KLF8: variants seen among roughly 807,000 people sequenced by gnomAD.
KLF8 encodes KLF transcription factor 8.
KLF8 carries 10 observed loss-of-function variants against 18.2 expected under a neutral mutation model. That is an observed-to-expected ratio of 0.55 (90% CI 0.34 to 0.93). The LOEUF is 0.93. KLF8 is among the 40% of genes least tolerant of loss of function. KLF8 has a pLI of 0.02. For synonymous variants in KLF8, 109 were observed against 97.3 expected (o/e 1.12, Z -0.71); for missense variants, 264 against 277.9 (o/e 0.95, Z 0.36).
chrX:55,970,120 A>G, the KLF8 span, among the ~76,000 whole-genome samples: 1 of 111,458 alleles, frequency 9.0e-6, no homozygotes. Context: ...ACAAAAACAC[A>G]TTAAAAAAAC....
chrX:56,159,466 T>C, the KLF8 span, among the ~76,000 whole-genome samples: 3 of 112,643 alleles, frequency 2.7e-5, no homozygotes, highest in East Asian at 2.8e-4. Flanking sequence ...GGAATGGTAC[T>C]AGCTCCTCCT....
the KLF8 span, among the ~76,000 whole-genome samples, chrX:56,008,976 G>T: frequency 4.5e-5 from 5 of 111,824 alleles, no homozygotes; most frequent in Non-Finnish European, 9.4e-5. Context: ...TGGCAGCCAT[G>T]GATGCCATGG....
chrX:55,970,641 G>A, the KLF8 span, among the ~76,000 whole-genome samples: 1 of 111,248 alleles, frequency 9.0e-6, no homozygotes, highest in African/African-American at 3.3e-5. Flanking sequence ...GTTTGCAGAT[G>A]ATATGATCTT....
chrX:56,136,340 C>A, the KLF8 span, among the ~76,000 whole-genome samples: 1 of 111,656 alleles, frequency 9.0e-6, no homozygotes, highest in South Asian at 3.8e-4. Context: ...ATCACACTAC[C>A]TGACTTCAAA....
At chrX:55,994,713 A>C in the KLF8 span, among the ~76,000 whole-genome samples, 4 of 111,532 alleles carry the variant, frequency 3.6e-5, no homozygotes, top group Admixed American at 3.8e-4. Context: ...TTTAATTTCA[A>C]TGTAATTGTA....
chrX:56,053,544 G>GTTTTTTTTTTTTTTTTT, the KLF8 span, among the ~76,000 whole-genome samples: 1 of 68,742 alleles, frequency 1.5e-5, no homozygotes, highest in Non-Finnish European at 2.4e-5. Context: ...TCTTTTCTTT[G>GTTTTTTTTTTTTTTTTT]TTTTTTTTTT....
upstream of KLF8, among the ~76,000 whole-genome samples, chrX:56,229,639 GT>G (rs2066388441): frequency 8.9e-6 from 1 of 111,904 alleles, no homozygotes; most frequent in African/African-American, 3.2e-5. Flanking sequence ...GACATTAACT[GT>G]GGTCATGGGT....
At chrX:55,995,050 G>A in the KLF8 span, among the ~76,000 whole-genome samples, 14 of 111,865 alleles carry the variant, frequency 1.3e-4, no homozygotes, top group Non-Finnish European at 2.4e-4. Context: ...TCTCTTCATA[G>A]GTCTCCAAGA....
chrX:56,135,509 C>T, the KLF8 span, among the ~76,000 whole-genome samples: 1 of 110,087 alleles, frequency 9.1e-6, no homozygotes, highest in East Asian at 2.8e-4. Context: ...AATGAGAACA[C>T]ATGGACACAG....
the KLF8 span, among the ~76,000 whole-genome samples, chrX:56,114,892 G>A: frequency 2.7e-5 from 3 of 111,901 alleles, no homozygotes; most frequent in African/African-American, 6.5e-5. Context: ...GTTGGCTTCC[G>A]TTTTACTTTT....
At chrX:56,249,703 T>C (rs776770558) in intron 1 of KLF8, among the ~76,000 whole-genome samples, 2 of 111,770 alleles carry the variant, frequency 1.8e-5, no homozygotes, top group African/African-American at 6.5e-5. Context: ...GAATGACTGA[T>C]GGTTTAAGGC....
At chrX:56,159,166 T>C in the KLF8 span, among the ~76,000 whole-genome samples, 1 of 112,261 alleles carries the variant, frequency 8.9e-6, no homozygotes, top group Non-Finnish European at 1.9e-5. Flanking sequence ...TGTCATTGTT[T>C]CTGTTTATAT....
chrX:56,060,739 C>G, the KLF8 span, among the ~76,000 whole-genome samples: 1 of 111,661 alleles, frequency 9.0e-6, no homozygotes, highest in East Asian at 2.8e-4. Flanking sequence ...TCCTGTTTTT[C>G]TATTGTTTGG....
At chrX:56,087,364 T>C in the KLF8 span, among the ~76,000 whole-genome samples, 2 of 110,896 alleles carry the variant, frequency 1.8e-5, no homozygotes, top group Non-Finnish European at 3.8e-5. Flanking sequence ...CCCCATCCCC[T>C]TGATGCTTTT....
the KLF8 span, among the ~76,000 whole-genome samples, chrX:56,160,103 G>A: frequency 9.0e-6 from 1 of 111,535 alleles, no homozygotes; most frequent in Admixed American, 9.6e-5. Context: ...TGTTCTCATT[G>A]GTTTCAAAGA....
the KLF8 span, among the ~76,000 whole-genome samples, chrX:56,077,169 G>T: frequency 1.1e-4 from 12 of 111,900 alleles, no homozygotes; most frequent in Middle Eastern, 4.6e-3. Flanking sequence ...GTCAATTATG[G>T]CTTTTGTTGC....
chrX:56,022,884 G>T, the KLF8 span, among the ~76,000 whole-genome samples: 1 of 111,038 alleles, frequency 9.0e-6, no homozygotes, highest in South Asian at 3.8e-4. Context: ...CCATTCCATG[G>T]AGCCATTTGT....
the KLF8 span, among the ~76,000 whole-genome samples, chrX:56,197,371 A>C: frequency 8.9e-6 from 1 of 111,905 alleles, no homozygotes; most frequent in Non-Finnish European, 1.9e-5. Flanking sequence ...AGACAGATGA[A>C]TCAAATAGAT....
chrX:56,211,334 C>G, the KLF8 span, among the ~76,000 whole-genome samples: 1 of 112,483 alleles, frequency 8.9e-6, no homozygotes, highest in Non-Finnish European at 1.9e-5. Context: ...CTATGGGTTA[C>G]CAGGCAAAGA....
Sources: gnomAD v4.1 joint callset for allele counts (sites outside exome capture counted in the v4.1 genomes callset) on GRCh38, gnomAD v4.1.1 for gene constraint, MANE v1.5 for transcripts, NCBI Gene and HGNC (gene_info 2026-07-23, HGNC 2026-07-21) for gene names.